The following TPCN2 variants were observed in gnomAD, a reference collection of about 807,000 sequenced individuals.
TPCN2 encodes two pore segment channel 2.
TPCN2 carries 92 observed loss-of-function variants against 111.4 expected under a neutral mutation model. That is an observed-to-expected ratio of 0.83 (90% CI 0.70 to 0.98). The LOEUF (loss-of-function observed/expected upper bound fraction) is 0.98, where lower values mean the gene tolerates loss of function less well. Among genes scored for constraint, TPCN2 ranks in the 50% least tolerant of loss-of-function variants. TPCN2 has a pLI of 0.00. For missense variants in TPCN2, 995 were observed against 980.1 expected (o/e 1.02, Z -0.20); for synonymous variants, 405 against 414.5 (o/e 0.98, Z 0.28).
At position 69,055,184 on chromosome 11, in the gene TPCN2, C is replaced by A; in HGVS notation, c.261C>A (p.Ser87Arg). ...TCTGTCCCCTTTCCAGGACTTTGAG[C>A]TTCACCATCTTCTTGATCCTGTTTT... Reference protein sequence around the residue: ...YYSNVCQRTLSFTIFLILFLA... With the variant: ...YYSNVCQRTLRFTIFLILFLA... Residue 87 changes from serine (S) to arginine (R), a missense_variant, in exon 4 of 25, where the codon AGC becomes AGA. Coordinates refer to ENST00000294309, the MANE Select transcript of TPCN2 (RefSeq NM_139075.4). The A allele has an allele frequency of 6.2e-7, 1 of 1,613,882 alleles. No individual in the cohort carries two copies. The highest frequency in any genetic ancestry group is 8.5e-7 in the Non-Finnish European group (1 of 1,179,890).
At chr11:69,064,336 G>C (rs1008791143) in intron 7 of TPCN2, among the ~76,000 whole-genome samples, 2 of 119,228 alleles carry the variant, frequency 1.7e-5, no homozygotes, top group African/African-American at 6.5e-5. Flanking sequence ...GCTATTCACT[G>C]AGGGTGGGTC....
intron 16 of TPCN2, 111 bp from the exon 17 acceptor site, chr11:69,079,723 A>G (rs1855927550): frequency 2.0e-6 from 2 of 1,016,570 alleles, no homozygotes; most frequent in Non-Finnish European, 2.9e-6. Context: ...TTTCTCCCCA[A>G]AAGCCCCTTT....
chr11:69,068,587 A>G (rs370050100), intron 8 of TPCN2, among the ~76,000 whole-genome samples: 11 of 666 alleles, frequency 0.017, no homozygotes, highest in Non-Finnish European at 0.032. Flanking sequence ...TGGGAGCAGG[A>G]CCGTCTGAGT....
In TPCN2 at chr11:69,078,904, G is replaced by C; in HGVS notation, c.1423G>C (p.Val475Leu). 1 of 1,614,070 alleles carries C rather than the reference G, an allele frequency of 6.2e-7. No homozygotes were observed. Among genetic ancestry groups the C allele is most frequent in the South Asian group, 1.1e-5 (1 of 91,080 alleles). Residue 475 changes from valine to leucine, a missense_variant, in exon 16 of 25, where the codon GTC (valine) becomes CTC (leucine). Physicochemically the swap from Val to Leu is conservative, Grantham distance 32. Coordinates refer to ENST00000294309, the MANE Select transcript of TPCN2 (RefSeq NM_139075.4). Reference protein sequence around the residue: ...DDFILGILNCVFIVYYLLEML... With the variant: ...DDFILGILNCLFIVYYLLEML... ...CTGCCCCTTTCAGATTCTCAACTGC[G>C]TCTTCATTGTGTACTACCTGTTGGA...
intron 2 of TPCN2, 149 bp downstream of exon 2, chr11:69,054,246 C>G (rs1192960556): frequency 3.1e-6 from 2 of 650,966 alleles, no homozygotes; most frequent in Admixed American, 2.5e-5. Flanking sequence ...GGGCACGGCT[C>G]TTCGTCAGTC....
intron 13 of TPCN2, among the ~76,000 whole-genome samples, chr11:69,073,354 CA>C (rs1442038700): frequency 6.6e-6 from 1 of 152,254 alleles, no homozygotes; most frequent in South Asian, 2.1e-4. Flanking sequence ...TTGACACTTA[CA>C]AAGTTCCCAG....
intron 7 of TPCN2, among the ~76,000 whole-genome samples, chr11:69,065,613 T>G (rs1466450176): frequency 6.6e-6 from 1 of 152,148 alleles, no homozygotes; most frequent in Non-Finnish European, 1.5e-5. Context: ...CACCCTGGCC[T>G]GGGGCGGTAG....
intron 7 of TPCN2, among the ~76,000 whole-genome samples, chr11:69,064,603 C>T (rs553465972): frequency 2.0e-5 from 3 of 152,300 alleles, no homozygotes; most frequent in East Asian, 3.9e-4. Flanking sequence ...CTGTCCTGGC[C>T]GAGGGCACCA....
chr11:69,076,553 CTGTCCCTCCACCTGCCCTCCTGCT>C (rs1855758630), intron 13 of TPCN2, among the ~76,000 whole-genome samples: 1 of 47,606 alleles, frequency 2.1e-5, no homozygotes, highest in Non-Finnish European at 7.1e-5. Flanking sequence ...CCCTCCTGCT[CTGTCCCTCCACCTGCCCTCCTGCT>C]CTGTCCCTCC....
intron 13 of TPCN2, among the ~76,000 whole-genome samples, chr11:69,073,346 G>C (rs1855619936): frequency 6.6e-6 from 1 of 152,226 alleles, no homozygotes; most frequent in South Asian, 2.1e-4. Context: ...TTTCACCCTT[G>C]ACACTTACAA....
rs1277262263 is a variant in TPCN2, at chr11:69,090,198, A to T, written c.*2245A>T. On this transcript the variant is annotated 3_prime_UTR_variant, in exon 25 of 25. Coordinates refer to ENST00000294309, the MANE Select transcript of TPCN2 (RefSeq NM_139075.4). Reference sequence around the variant, plus strand: ...GTACTTCCATCTCTCTCTCTGTCTCATCTATTCACAGCTGGGAATGATACT... The same window carrying T: ...GTACTTCCATCTCTCTCTCTGTCTCTTCTATTCACAGCTGGGAATGATACT... 1 of 62,014 alleles carries T rather than the reference A, an allele frequency of 1.6e-5. No homozygotes were observed. The highest frequency in any genetic ancestry group is 5.8e-5 in the Non-Finnish European group (1 of 17,246). The allele number at this position is 62,014 out of a possible 1,614,324, so 3.8% of individuals were successfully genotyped here. A position where few individuals can be genotyped will look rare whatever the true frequency, so the allele number is the denominator to read the frequency against.
rs555898404 is a variant in TPCN2 at position 69,059,103 on chromosome 11, G to T, written c.546+1409G>T. Among the ~76,000 whole-genome samples the T allele has an allele frequency of 2.0e-5, 3 of 152,330 alleles. No homozygotes were observed. In the East Asian group the frequency reaches 5.8e-4, roughly 29 times the overall value. ...TCCGCCAGCTCCCCACCTGGCCCGG[G>T]TTTTTCACCTGGCACAGGGACTGGA... On this transcript the variant is annotated intron_variant, in intron 5 of 24. Transcript: ENST00000294309.
intron 5 of TPCN2, 114 bp downstream of exon 5, chr11:69,057,808 G>A (rs771951146): frequency 4.0e-4 from 324 of 812,960 alleles, no homozygotes; most frequent in Non-Finnish European, 5.6e-4. Flanking sequence ...CTGCCCACCC[G>A]CCCAGCACTG....
chr11:69,067,372 G>C (rs1052609028), intron 7 of TPCN2, 131 bp from the exon 8 acceptor site: 12 of 816,006 alleles, frequency 1.5e-5, no homozygotes, highest in Admixed American at 3.9e-5. Context: ...AGCTCAGCCT[G>C]CTGGGAGGCC....
intron 4 of TPCN2, among the ~76,000 whole-genome samples, chr11:69,057,321 G>C (rs1474817600): frequency 3.9e-5 from 6 of 152,254 alleles, no homozygotes; most frequent in African/African-American, 1.4e-4. Context: ...GGCAGAACAG[G>C]CAGGAGCCTC....
intron 16 of TPCN2, 146 bp from the exon 17 acceptor site, chr11:69,079,688 C>T (rs731974): frequency 0.31 from 202,684 of 663,108 alleles, 32,992 homozygotes; most frequent in South Asian, 0.45. Flanking sequence ...GGAACCAACC[C>T]GTGGGGTCCA....
chr11:69,054,172 A>AG, intron 2 of TPCN2, 75 bp downstream of exon 2: 11 of 1,277,808 alleles, frequency 8.6e-6, no homozygotes, highest in African/African-American at 1.5e-5. Flanking sequence ...TCCAGGGGCG[A>AG]CTGACTGGGT....
intron 7 of TPCN2, among the ~76,000 whole-genome samples, chr11:69,065,307 T>C (rs1855223125): frequency 1.3e-5 from 2 of 152,140 alleles, no homozygotes; most frequent in Non-Finnish European, 2.9e-5. Flanking sequence ...GTGGATGGCG[T>C]CAGTGTGGGT....
intron 20 of TPCN2, 150 bp from the exon 21 acceptor site, chr11:69,085,519 CAG>C: frequency 1.4e-6 from 1 of 713,342 alleles, no homozygotes; most frequent in South Asian, 1.7e-5. Context: ...GTGGCCTGCT[CAG>C]AGCAGCACTT....
Sources: allele counts gnomAD v4.1 joint callset (sites outside exome capture counted in the v4.1 genomes callset), GRCh38; gene constraint gnomAD v4.1.1; transcripts MANE v1.5; gene names NCBI Gene and HGNC (gene_info 2026-07-23, HGNC 2026-07-21).